Variants in ADCY5 observed in about 807,000 individuals in gnomAD.
ADCY5 encodes adenylate cyclase type 5.
ADCY5 carries 30 observed loss-of-function variants against 119.7 expected under a neutral mutation model. The observed-to-expected ratio is 0.25, with a 90% CI of 0.19 to 0.34. The LOEUF (loss-of-function observed/expected upper bound fraction) is 0.34, where lower values mean the gene tolerates loss of function less well. ADCY5 is among the 10% of genes least tolerant of loss of function. ADCY5 has a pLI of 1.00. For missense variants in ADCY5, 1,324 were observed against 1,775.2 expected (o/e 0.75, Z 4.57); for synonymous variants, 753 against 762.2 (o/e 0.99, Z 0.20).
At chr3:123,287,584 G>A (rs900779177) in intron 19 of ADCY5, among the ~76,000 whole-genome samples, 4 of 152,160 alleles carry the variant, frequency 2.6e-5, no homozygotes, top group African/African-American at 2.4e-5. Context: ...GGGCAGGACT[G>A]AAAACACACA....
chr3:123,320,511 T>C (rs1316768568), intron 9 of ADCY5, among the ~76,000 whole-genome samples: 4 of 152,170 alleles, frequency 2.6e-5, no homozygotes, highest in Admixed American at 2.0e-4. Flanking sequence ...GTCACGGAGA[T>C]AAAATGGGCA....
chr3:123,442,544 C>T (rs1381690008), intron 1 of ADCY5, among the ~76,000 whole-genome samples: 2 of 152,240 alleles, frequency 1.3e-5, no homozygotes, highest in African/African-American at 2.4e-5. Context: ...TGGGGTTTAA[C>T]GCATCATCCA....
At chr3:123,342,387 T>TG (rs1005662179) in intron 3 of ADCY5, among the ~76,000 whole-genome samples, 11 of 152,074 alleles carry the variant, frequency 7.2e-5, no homozygotes, top group Admixed American at 2.0e-4. Flanking sequence ...TGGGAGGTGT[T>TG]GGGGAAAGAC....
intron 5 of ADCY5, 47 bp downstream of exon 5, chr3:123,330,842 T>C: frequency 6.4e-7 from 1 of 1,557,846 alleles, no homozygotes; most frequent in Non-Finnish European, 8.7e-7. Context: ...GCTCGGGCTG[T>C]GGACAGTCCC....
At chr3:123,444,162 T>A (rs933690211) in intron 1 of ADCY5, among the ~76,000 whole-genome samples, 4 of 152,132 alleles carry the variant, frequency 2.6e-5, no homozygotes, top group Admixed American at 1.3e-4. Flanking sequence ...AGGAATGTGT[T>A]TGGCAGATGC....
chr3:123,448,616 G>C lies in ADCY5; in HGVS notation c.-71C>G. 1 of 1,248,186 alleles carries C rather than the reference G, an allele frequency of 8.0e-7. No homozygotes were observed. Among genetic ancestry groups the C allele is most frequent in the South Asian group, 3.2e-5 (1 of 31,380 alleles). 77.3% of individuals were successfully genotyped at this position (1,248,186 alleles called of 1,614,324 possible). A position where few individuals can be genotyped will look rare whatever the true frequency, so the allele number is the denominator to read the frequency against. Reference sequence around the variant, plus strand: ...GGCCGGGGGTCTCCAAGGGGAGGGCGGACGGCCGAGCAGGGGGACCAGGCT... The same window carrying C: ...GGCCGGGGGTCTCCAAGGGGAGGGCCGACGGCCGAGCAGGGGGACCAGGCT... On this transcript the variant is annotated 5_prime_UTR_variant, in exon 1 of 21. Coordinates refer to ENST00000462833, the MANE Select transcript of ADCY5 (RefSeq NM_183357.3).
At chr3:123,389,070 G>T (rs1253236265) in intron 1 of ADCY5, among the ~76,000 whole-genome samples, 1 of 152,186 alleles carries the variant, frequency 6.6e-6, no homozygotes, top group Admixed American at 6.5e-5. Flanking sequence ...TGGAGGCCAG[G>T]TCAAAGGAGG....
intron 14 of ADCY5, among the ~76,000 whole-genome samples, chr3:123,301,928 C>T (rs970432542): frequency 7.1e-4 from 72 of 102,030 alleles, no homozygotes; most frequent in Non-Finnish European, 3.1e-4. Context: ...TGGGGCGGAG[C>T]GGGGGTGGGG....
chr3:123,301,721 CA>C (rs1324857178), intron 14 of ADCY5, among the ~76,000 whole-genome samples: 1 of 152,238 alleles, frequency 6.6e-6, no homozygotes, highest in African/African-American at 2.4e-5. Context: ...GAGCCACCAC[CA>C]AGGGGCAAGT....
chr3:123,406,906 A>C (rs988684515), intron 1 of ADCY5, among the ~76,000 whole-genome samples: 3 of 152,114 alleles, frequency 2.0e-5, no homozygotes, highest in African/African-American at 2.4e-5. Flanking sequence ...CCTGCAGGCC[A>C]AGCCGCCGCC....
chr3:123,369,830 C>G (rs930846731), intron 1 of ADCY5, among the ~76,000 whole-genome samples: 2 of 152,192 alleles, frequency 1.3e-5, no homozygotes, highest in African/African-American at 4.8e-5. Flanking sequence ...TTCCCAAGAG[C>G]ACTGACATCC....
At chr3:123,297,158 A>T in intron 16 of ADCY5, 195 bp downstream of exon 16, 1 of 1,384,874 alleles carries the variant, frequency 7.2e-7, no homozygotes, top group Non-Finnish European at 1.0e-6. Flanking sequence ...GGCAGGGATC[A>T]TGAAAGTGAC....
intron 12 of ADCY5, among the ~76,000 whole-genome samples, chr3:123,309,094 A>C (rs906716589): frequency 1.3e-5 from 2 of 152,242 alleles, no homozygotes; most frequent in African/African-American, 4.8e-5. Flanking sequence ...GAACATAGTT[A>C]ATAAACCATG....
chr3:123,339,336 T>C (rs2108444038), intron 3 of ADCY5, among the ~76,000 whole-genome samples: 1 of 152,040 alleles, frequency 6.6e-6, no homozygotes, highest in Non-Finnish European at 1.5e-5. Context: ...TTTAGGGGAG[T>C]TAGCACAATC....
intron 1 of ADCY5, among the ~76,000 whole-genome samples, chr3:123,391,950 C>T (rs995778452): frequency 6.6e-6 from 1 of 152,200 alleles, no homozygotes; most frequent in Non-Finnish European, 1.5e-5. Flanking sequence ...TACCCACAGT[C>T]CCACCAGAGT....
At chr3:123,421,193 G>A (rs1377348007) in intron 1 of ADCY5, among the ~76,000 whole-genome samples, 2 of 152,182 alleles carry the variant, frequency 1.3e-5, no homozygotes, top group African/African-American at 4.8e-5. Flanking sequence ...GGTGCTTATT[G>A]TTCTGTTGAA....
Position 123,286,978 on chromosome 3 carries a change from C to G in ADCY5, c.3533-169G>C. 2 of 892,700 alleles carry G rather than the reference C, an allele frequency of 2.2e-6. No homozygotes were observed. Among genetic ancestry groups the G allele is most frequent in the Non-Finnish European group, 3.2e-6 (2 of 624,594 alleles). 55.3% of individuals were successfully genotyped at this position (892,700 alleles called of 1,614,324 possible). A position where few individuals can be genotyped will look rare whatever the true frequency, so the allele number is the denominator to read the frequency against. On this transcript the variant is annotated intron_variant, in intron 19 of 20. Coordinates refer to ENST00000462833, the MANE Select transcript of ADCY5 (RefSeq NM_183357.3). The surrounding 1 kb of genome is among the most constrained non-coding windows in gnomAD (Gnocchi z 4.2). ...CAGCCTCCCGCTACCCTGCTCCTGT[C>G]AAATGCCTGTGAATGCAAGACACAA...
intron 1 of ADCY5, among the ~76,000 whole-genome samples, chr3:123,399,288 C>G (rs1944689796): frequency 6.6e-6 from 1 of 152,138 alleles, no homozygotes. Context: ...AAGTGTATGC[C>G]TAAAACTCAG....
intron 1 of ADCY5, among the ~76,000 whole-genome samples, chr3:123,410,301 G>T (rs1195033959): frequency 6.6e-6 from 1 of 152,092 alleles, no homozygotes; most frequent in Non-Finnish European, 1.5e-5. Flanking sequence ...CTCTGTCTTG[G>T]CAGAGTTCCA....
Sources: gnomAD v4.1 joint callset for allele counts (sites outside exome capture counted in the v4.1 genomes callset) on GRCh38, gnomAD v4.1.1 for gene constraint, Gnocchi (gnomAD v3.1) non-coding constraint, MANE v1.5 for transcripts, NCBI Gene and HGNC (gene_info 2026-07-23, HGNC 2026-07-21) for gene names.